PTPRT: variants seen among roughly 807,000 people sequenced by gnomAD.
PTPRT encodes the protein receptor-type tyrosine-protein phosphatase T.
PTPRT carries 56 observed loss-of-function variants against 176.8 expected under a neutral mutation model. The observed-to-expected ratio is 0.32, with a 90% CI of 0.26 to 0.40. The LOEUF (loss-of-function observed/expected upper bound fraction) is 0.40. Ranked by LOEUF, PTPRT falls within the 10% of genes least tolerant of loss-of-function variation. PTPRT has a pLI of 1.00. For missense variants in PTPRT, 1,540 were observed against 1,908.2 expected, an observed-to-expected ratio of 0.81 and a Z score of 3.60; for synonymous variants, 783 against 739.0, an observed-to-expected ratio of 1.06 and a Z score of -0.96.
rs1161994908 is a variant in PTPRT at position 42,646,882 on chromosome 20, C to CTTT, written c.1153+30981_1153+30983dup. Among the ~76,000 whole-genome samples the CTTT allele has an allele frequency of 1.3e-3, 100 of 76,282 alleles. 11 individuals carry two copies. The highest frequency in any genetic ancestry group is 2.0e-3 in the South Asian group (4 of 2,014). The allele number at this position is 76,282 out of a possible 152,430, so 50.0% of individuals were successfully genotyped here. A position where few individuals can be genotyped will look rare whatever the true frequency, so the allele number is the denominator to read the frequency against. On this transcript the variant is annotated intron_variant, in intron 7 of 30. Coordinates refer to ENST00000373187, the MANE Select transcript of PTPRT (RefSeq NM_007050.6). ...TCTAGAGATCCCAACCTAAGACAGC[C>CTTT]TTTTTTTTTTTTTTTTTTTTTTTTT...
At chr20:42,500,067 A>C (rs2071725759) in intron 7 of PTPRT, among the ~76,000 whole-genome samples, 1 of 152,090 alleles carries the variant, frequency 6.6e-6, no homozygotes, top group South Asian at 2.1e-4. Context: ...ATGTCTCTTA[A>C]CTTACCTAGG....
chr20:42,770,812 G>T (rs893573595), intron 5 of PTPRT, among the ~76,000 whole-genome samples: 1 of 152,158 alleles, frequency 6.6e-6, no homozygotes, highest in Non-Finnish European at 1.5e-5. Context: ...TTAGAGGGTA[G>T]TTGGAAAAGG....
intron 7 of PTPRT, among the ~76,000 whole-genome samples, chr20:42,568,194 C>T (rs1003230258): frequency 2.0e-5 from 3 of 152,082 alleles, no homozygotes; most frequent in Non-Finnish European, 2.9e-5. Context: ...GTTTTGAACT[C>T]CTGACCTTGT....
intron 17 of PTPRT, among the ~76,000 whole-genome samples, chr20:42,149,153 C>T (rs756013548): frequency 3.0e-4 from 46 of 152,178 alleles, no homozygotes; most frequent in Non-Finnish European, 6.5e-4. Flanking sequence ...CAGCTAAAAA[C>T]TAAATGATAA....
chr20:42,504,607 G>A (rs2071812070), intron 7 of PTPRT, among the ~76,000 whole-genome samples: 1 of 151,922 alleles, frequency 6.6e-6, no homozygotes, highest in South Asian at 2.1e-4. Flanking sequence ...TTTCCCACCT[G>A]TGACTTCCAG....
At chr20:42,679,750 CATT>C (rs1222123284) in intron 6 of PTPRT, among the ~76,000 whole-genome samples, 7 of 151,906 alleles carry the variant, frequency 4.6e-5, no homozygotes, top group South Asian at 2.1e-4. Context: ...GCTTTATCAT[CATT>C]GTCTTTAATA....
intron 9 of PTPRT, among the ~76,000 whole-genome samples, chr20:42,445,637 G>C (rs1042220955): frequency 5.3e-5 from 8 of 152,194 alleles, no homozygotes; most frequent in African/African-American, 1.4e-4. Context: ...AGCCTCAAAT[G>C]CTTACAAACA....
chr20:42,460,228 C>T lies in PTPRT; in HGVS notation c.1451-11899G>A, dbSNP rs114693865. Among the ~76,000 whole-genome samples the T allele has an allele frequency of 5.0e-3, 754 of 152,152 alleles. 8 individuals are homozygous for T. Among genetic ancestry groups the T allele is most frequent in the African/African-American group, 0.017 (719 of 41,516 alleles). On this transcript the variant is annotated intron_variant, in intron 8 of 30. Coordinates refer to ENST00000373187, the MANE Select transcript of PTPRT (RefSeq NM_007050.6). ...TTAACATATGGATGGATTTTAAAGC[C>T]GGGAGACTAGAAGAAATAATTAGGG...
At chr20:42,244,127 C>T (rs963812866) in intron 14 of PTPRT, among the ~76,000 whole-genome samples, 4 of 152,182 alleles carry the variant, frequency 2.6e-5, no homozygotes, top group African/African-American at 9.6e-5. Flanking sequence ...GGCTACCTTT[C>T]ATAGAAGGGA....
intron 1 of PTPRT, among the ~76,000 whole-genome samples, chr20:43,090,524 T>A (rs1356463131): frequency 2.0e-5 from 3 of 152,070 alleles, no homozygotes; most frequent in Non-Finnish European, 4.4e-5. Flanking sequence ...CGCCTTGGCC[T>A]CCCAAAGTGC....
intron 1 of PTPRT, among the ~76,000 whole-genome samples, chr20:42,931,253 G>A (rs1415121492): frequency 6.6e-6 from 1 of 152,178 alleles, no homozygotes; most frequent in African/African-American, 2.4e-5. Context: ...TCATAAGGGT[G>A]GGGTCCTAAT....
chr20:42,848,205 GC>G (rs1447285336), intron 2 of PTPRT, among the ~76,000 whole-genome samples: 1 of 152,130 alleles, frequency 6.6e-6, no homozygotes, highest in Non-Finnish European at 1.5e-5. Context: ...GCATATACAT[GC>G]CATAATTTCT....
At chr20:42,286,785 A>T (rs1409581663) in intron 12 of PTPRT, among the ~76,000 whole-genome samples, 1 of 151,948 alleles carries the variant, frequency 6.6e-6, no homozygotes, top group African/African-American at 2.4e-5. Flanking sequence ...AGAAAAGTAA[A>T]CAATAAACAG....
chr20:42,704,355 T>A (rs2076019360), intron 6 of PTPRT, among the ~76,000 whole-genome samples: 1 of 151,304 alleles, frequency 6.6e-6, no homozygotes, highest in Non-Finnish European at 1.5e-5. Flanking sequence ...TCTCCCTCAC[T>A]ACAATAAGTC....
intron 12 of PTPRT, among the ~76,000 whole-genome samples, chr20:42,299,206 C>T (rs1040184223): frequency 9.9e-5 from 15 of 151,982 alleles, no homozygotes; most frequent in Admixed American, 2.0e-4. Context: ...TTTAGAACCA[C>T]GTTATAATGT....
chr20:42,104,936 T>C (rs995432140), intron 24 of PTPRT, among the ~76,000 whole-genome samples: 2 of 152,172 alleles, frequency 1.3e-5, no homozygotes, highest in Non-Finnish European at 2.9e-5. Context: ...GAAGATGTAA[T>C]AGCATAGTCA....
intron 1 of PTPRT, among the ~76,000 whole-genome samples, chr20:43,126,196 C>T: frequency 6.6e-6 from 1 of 151,862 alleles, no homozygotes; most frequent in South Asian, 2.1e-4. Flanking sequence ...TATAAAAACA[C>T]AAAAAATAGC....
chr20:42,979,143 C>T (rs904360844), intron 1 of PTPRT, among the ~76,000 whole-genome samples: 2 of 152,078 alleles, frequency 1.3e-5, no homozygotes, highest in African/African-American at 4.8e-5. Flanking sequence ...TATATTTCAG[C>T]AACTAAAAGG....
chr20:42,704,593 C>A (rs773097984), intron 6 of PTPRT, among the ~76,000 whole-genome samples: 1 of 152,128 alleles, frequency 6.6e-6, no homozygotes, highest in Non-Finnish European at 1.5e-5. Context: ...ATCCTGTTAA[C>A]TGGAAAACCC....
Sources: allele counts gnomAD v4.1 joint callset (sites outside exome capture counted in the v4.1 genomes callset), GRCh38; gene constraint gnomAD v4.1.1; transcripts MANE v1.5; gene names NCBI Gene and HGNC (gene_info 2026-07-23, HGNC 2026-07-21).